Variants in FAM13B observed in about 807,000 individuals in gnomAD.
FAM13B encodes protein FAM13B.
Under a neutral mutation model 117.3 loss-of-function variants are expected in FAM13B, and 60 were observed. That is an observed-to-expected ratio of 0.51 (90% CI 0.42 to 0.63). The LOEUF is 0.63. FAM13B is among the 30% of genes least tolerant of loss of function. The pLI, the probability that FAM13B is intolerant of heterozygous loss-of-function variation, is 0.00. For synonymous variants in FAM13B, 332 were observed against 356.1 expected (o/e 0.93, Z 0.76); for missense variants, 972 against 1,091.9 (o/e 0.89, Z 1.55).
chr5:137,946,019 A>G (rs1125979), intron 19 of FAM13B, 22 bp from the exon 20 acceptor site: 6 of 1,584,328 alleles, frequency 3.8e-6, no homozygotes, highest in Non-Finnish European at 5.2e-6. Flanking sequence ...AAAAAAAGAA[A>G]TTGTCTAGTC....
At chr5:138,010,132 C>T (rs897880751) in intron 6 of FAM13B, among the ~76,000 whole-genome samples, 57 of 152,082 alleles carry the variant, frequency 3.7e-4, no homozygotes, top group African/African-American at 1.3e-3. Flanking sequence ...AGGCACATGC[C>T]CCTATGCCTG....
At chr5:137,949,798 CAAAA>C (rs67597641) in intron 17 of FAM13B, among the ~76,000 whole-genome samples, 5 of 130,152 alleles carry the variant, frequency 3.8e-5, no homozygotes, top group Non-Finnish European at 3.3e-5. Context: ...GACTCTGTCT[CAAAA>C]AAAAAAAAAA....
At chr5:138,040,584 A>G (rs1791469336) in intron 1 of FAM13B, among the ~76,000 whole-genome samples, 1 of 152,010 alleles carries the variant, frequency 6.6e-6, no homozygotes, top group African/African-American at 2.4e-5. Flanking sequence ...AAAACAAACA[A>G]AAAAGAAGGA....
At chr5:137,955,082 G>A (rs1766123852) in intron 14 of FAM13B, among the ~76,000 whole-genome samples, 1 of 152,112 alleles carries the variant, frequency 6.6e-6, no homozygotes. Context: ...TAGTTTTCAA[G>A]TAGGGGAAAA....
At chr5:138,002,333 C>A (rs186615251) in intron 7 of FAM13B, among the ~76,000 whole-genome samples, 242 of 152,196 alleles carry the variant, frequency 1.6e-3, no homozygotes, top group Non-Finnish European at 2.9e-3. Context: ...GTTCAAGAGA[C>A]CAGCCTGGCC....
intron 1 of FAM13B, among the ~76,000 whole-genome samples, chr5:138,032,455 G>A (rs183436627): frequency 2.0e-5 from 3 of 152,334 alleles, no homozygotes; most frequent in African/African-American, 4.8e-5. Context: ...GGAGAGGTCA[G>A]CAAAGAAACG....
intron 7 of FAM13B, among the ~76,000 whole-genome samples, chr5:137,989,147 C>T (rs1195907513): frequency 6.6e-6 from 1 of 152,210 alleles, no homozygotes; most frequent in Non-Finnish European, 1.5e-5. Flanking sequence ...ACCTGAACAC[C>T]ACATCTGTAG....
intron 1 of FAM13B, among the ~76,000 whole-genome samples, chr5:138,042,200 AAAC>A (rs1274092915): frequency 1.3e-5 from 2 of 152,242 alleles, no homozygotes; most frequent in Admixed American, 1.3e-4. Flanking sequence ...CTACAGCTAC[AAAC>A]AACAATGTGA....
At chr5:137,946,704 T>C (rs1763547545) in intron 18 of FAM13B, among the ~76,000 whole-genome samples, 1 of 152,262 alleles carries the variant, frequency 6.6e-6, no homozygotes, top group East Asian at 1.9e-4. Context: ...CAACACTGCC[T>C]ACCTAGCACA....
intron 10 of FAM13B, among the ~76,000 whole-genome samples, chr5:137,976,144 AT>A (rs1183147755): frequency 1.3e-5 from 2 of 151,732 alleles, no homozygotes; most frequent in African/African-American, 4.8e-5. Context: ...TTTTGTAGAG[AT>A]GGGGTTTCAC....
chr5:137,963,197 A>C (rs962733418), intron 10 of FAM13B, among the ~76,000 whole-genome samples: 1 of 152,210 alleles, frequency 6.6e-6, no homozygotes, highest in Non-Finnish European at 1.5e-5. Flanking sequence ...AGCTGTTAAA[A>C]TACTAGTCCC....
chr5:138,026,719 C>A (rs983323092), intron 1 of FAM13B, among the ~76,000 whole-genome samples: 1 of 148,332 alleles, frequency 6.7e-6, no homozygotes, highest in Non-Finnish European at 1.5e-5. Flanking sequence ...ACGGGTGGAT[C>A]ACCCAAGATC....
chr5:137,940,808 G>T (rs1366390571), intron 23 of FAM13B, among the ~76,000 whole-genome samples: 1 of 152,094 alleles, frequency 6.6e-6, no homozygotes, highest in African/African-American at 2.4e-5. Context: ...CAGTTTAATC[G>T]CTAGCTAAAG....
intron 1 of FAM13B, among the ~76,000 whole-genome samples, chr5:138,026,686 T>TA (rs1403934406): frequency 3.6e-5 from 2 of 55,602 alleles, no homozygotes; most frequent in African/African-American, 9.6e-5. Flanking sequence ...ACACCTGTAA[T>TA]CCCAGCACTT....
chr5:137,999,685 T>C (rs1302088895), intron 7 of FAM13B, among the ~76,000 whole-genome samples: 1 of 152,194 alleles, frequency 6.6e-6, no homozygotes, highest in Non-Finnish European at 1.5e-5. Flanking sequence ...TATAACAAAA[T>C]GCCATACACT....
chr5:137,959,598 G>A lies in FAM13B; in HGVS notation c.1441+18C>T, dbSNP rs1379789827. 6.2e-7 allele frequency: 1 copy of A among 1,613,062 alleles called. No individual in the cohort carries two copies. The highest frequency in any genetic ancestry group is 1.3e-5 in the African/African-American group (1 of 74,992). ...CAAGTAACATTATCAGGAAAATAAT[G>A]CGTGTGGGTAAAATTACCTTCCCAT... On this transcript the variant is annotated intron_variant, in intron 13 of 23. Transcript: ENST00000689681.
intron 7 of FAM13B, among the ~76,000 whole-genome samples, chr5:137,998,434 T>C (rs937799983): frequency 6.6e-6 from 1 of 152,212 alleles, no homozygotes; most frequent in Admixed American, 6.5e-5. Context: ...GAAGTACTCA[T>C]AAAGCACTTC....
chr5:138,029,999 T>C (rs941026459), intron 1 of FAM13B, among the ~76,000 whole-genome samples: 14 of 152,224 alleles, frequency 9.2e-5, no homozygotes, highest in Admixed American at 9.2e-4. Flanking sequence ...TTGCAATATT[T>C]CCTTCTCTAG....
rs377701465 is a variant in FAM13B at position 137,960,168 on chromosome 5, G to C, written c.1291C>G (p.Leu431Val). The C allele has an allele frequency of 3.3e-6, 5 of 1,526,870 alleles. No individual in the cohort carries two copies. In the African/African-American group the frequency reaches 6.9e-5, roughly 21 times the overall value. The allele number at this position is 1,526,870 out of a possible 1,614,324, so 94.6% of individuals were successfully genotyped here. ...TAAGACAAAAAAATAGTTCTTACCA[G>C]AATCAAGTGTGACAATTTATCACTG... ...FDSDKLSHLI[L>V]DSSSKICDLN... The change falls in exon 12 of 24, where the codon CTG (leucine) becomes GTG (valine). Residue 431 changes from leucine (L) to valine (V), a missense_variant and splice_region_variant. Leu to Val is a conservative substitution (Grantham distance 32). Transcript: ENST00000689681.
Sources: allele counts gnomAD v4.1 joint callset (sites outside exome capture counted in the v4.1 genomes callset), GRCh38; gene constraint gnomAD v4.1.1; transcripts MANE v1.5; gene names NCBI Gene and HGNC (gene_info 2026-07-23, HGNC 2026-07-21).